The following HTT-AS variants were observed in gnomAD, a reference collection of about 807,000 sequenced individuals.
HTT-AS encodes the protein HTT antisense RNA (head to head).
intron 1 of HTT-AS, among the ~76,000 whole-genome samples, chr4:3,071,028 A>G (rs986458814): frequency 7.2e-5 from 11 of 152,226 alleles, no homozygotes; most frequent in Non-Finnish European, 1.5e-4. Flanking sequence ...AGTCTTTCAC[A>G]TTAGATTTCC....
chr4:3,050,362 T>G (rs879340778), intron 2 of HTT-AS, among the ~76,000 whole-genome samples: 3 of 152,244 alleles, frequency 2.0e-5, no homozygotes, highest in African/African-American at 4.8e-5. Flanking sequence ...TTTCTTGGTA[T>G]TCAATTAATT....
intron 2 of HTT-AS, among the ~76,000 whole-genome samples, chr4:3,053,523 A>C (rs1376668655): frequency 6.6e-6 from 1 of 152,052 alleles, no homozygotes; most frequent in Non-Finnish European, 1.5e-5. Context: ...ACAGAGTGAG[A>C]CTCTGTCTCA....
chr4:3,072,034 C>T (rs1712185077), intron 1 of HTT-AS, among the ~76,000 whole-genome samples: 1 of 152,214 alleles, frequency 6.6e-6, no homozygotes, highest in Non-Finnish European at 1.5e-5. Context: ...CTTGGCAGCA[C>T]ACATGTCTAG....
chr4:3,070,542 G>A (rs1296758759), intron 1 of HTT-AS, among the ~76,000 whole-genome samples: 1 of 152,040 alleles, frequency 6.6e-6, no homozygotes, highest in Non-Finnish European at 1.5e-5. Flanking sequence ...AGCCCACCTC[G>A]GCCTCCCAAA....
At chr4:3,049,915 C>T (rs1169236243) in intron 2 of HTT-AS, among the ~76,000 whole-genome samples, 1 of 124,992 alleles carries the variant, frequency 8.0e-6, no homozygotes, top group African/African-American at 4.1e-5. Context: ...ATCACACACA[C>T]ACACACACAC....
intron 2 of HTT-AS, among the ~76,000 whole-genome samples, chr4:3,054,502 A>G (rs1458257956): frequency 2.6e-5 from 4 of 152,326 alleles, no homozygotes. Flanking sequence ...ATAAGAAGGC[A>G]TGGGAATGTA....
At chr4:3,060,584 G>A (rs1369985746) in intron 2 of HTT-AS, among the ~76,000 whole-genome samples, 2 of 152,156 alleles carry the variant, frequency 1.3e-5, no homozygotes, top group Admixed American at 6.5e-5. Context: ...TCTTTTCAAT[G>A]AAAAGCAGCC....
chr4:3,059,796 C>G (rs1036960199), intron 2 of HTT-AS, among the ~76,000 whole-genome samples: 1 of 152,204 alleles, frequency 6.6e-6, no homozygotes, highest in Non-Finnish European at 1.5e-5. Context: ...TGGTCTCAAA[C>G]TCCTGACCTC....
chr4:3,061,684 G>GAAAAAAA (rs71644374), intron 2 of HTT-AS, among the ~76,000 whole-genome samples: 1 of 110,916 alleles, frequency 9.0e-6, no homozygotes, highest in Non-Finnish European at 1.8e-5. Flanking sequence ...CTCCATCTCA[G>GAAAAAAA]AAAAAAAAAA....
intron 2 of HTT-AS, among the ~76,000 whole-genome samples, chr4:3,052,837 T>A (rs886342664): frequency 4.0e-5 from 6 of 150,682 alleles, no homozygotes; most frequent in South Asian, 2.1e-4. Flanking sequence ...AAAATAAAAA[T>A]AAAAAAAAAT....
chr4:3,049,951 T>C (rs147661810), intron 2 of HTT-AS, among the ~76,000 whole-genome samples: 5 of 138,394 alleles, frequency 3.6e-5, no homozygotes, highest in Non-Finnish European at 7.8e-5. Context: ...CACACACATA[T>C]ACACTTTTTT....
exon 2 of HTT-AS, among the ~76,000 whole-genome samples, chr4:3,063,288 C>G (rs1483398971): frequency 6.6e-6 from 1 of 152,160 alleles, no homozygotes. Context: ...GACAGTGGCT[C>G]AAGATATCTT....
chr4:3,066,706 A>G (rs1712063581), intron 1 of HTT-AS, among the ~76,000 whole-genome samples: 3 of 152,226 alleles, frequency 2.0e-5, no homozygotes, highest in Admixed American at 6.5e-5. Flanking sequence ...AAGATGGCCT[A>G]GGACTTCTAG....
At chr4:3,062,625 C>T (rs956634426) in exon 2 of HTT-AS, among the ~76,000 whole-genome samples, 23 of 151,918 alleles carry the variant, frequency 1.5e-4, no homozygotes, top group Non-Finnish European at 2.8e-4. Flanking sequence ...ATTCAGCCCC[C>T]GTCCAAGGTC....
intron 1 of HTT-AS, among the ~76,000 whole-genome samples, chr4:3,065,900 A>G (rs1362220900): frequency 2.0e-5 from 3 of 152,222 alleles, no homozygotes; most frequent in African/African-American, 7.2e-5. Context: ...ATCAAGTCAA[A>G]AAATTTTAGT....
chr4:3,048,209 G>A (rs1038516387), downstream of HTT-AS, among the ~76,000 whole-genome samples: 1 of 152,138 alleles, frequency 6.6e-6, no homozygotes, highest in African/African-American at 2.4e-5. Context: ...AGGCCCAGTA[G>A]GGCTGGACCC....
At chr4:3,049,074 C>G (rs185789928), downstream of HTT-AS, among the ~76,000 whole-genome samples, 3 of 152,184 alleles carry the variant, frequency 2.0e-5, no homozygotes, top group Non-Finnish European at 4.4e-5. Flanking sequence ...CACAACAGAT[C>G]GTCTTTTCAT....
At chr4:3,048,988 A>G (rs553784350), downstream of HTT-AS, among the ~76,000 whole-genome samples, 4 of 152,314 alleles carry the variant, frequency 2.6e-5, no homozygotes, top group Non-Finnish European at 4.4e-5. Flanking sequence ...TCTTTTATCT[A>G]TCAAAGTATA....
intron 2 of HTT-AS, among the ~76,000 whole-genome samples, chr4:3,056,989 G>A (rs1286651581): frequency 6.6e-6 from 1 of 151,684 alleles, no homozygotes; most frequent in African/African-American, 2.4e-5. Flanking sequence ...TACATCTCCT[G>A]TCTCAGTGGA....
Sources: gnomAD v4.1 joint callset for allele counts (sites outside exome capture counted in the v4.1 genomes callset) on GRCh38, gnomAD v4.1.1 for gene constraint, MANE v1.5 for transcripts, NCBI Gene and HGNC (gene_info 2026-07-23, HGNC 2026-07-21) for gene names.